The following KCNG4 variants were observed in gnomAD, a reference collection of about 807,000 sequenced individuals.
KCNG4 encodes the protein voltage-gated potassium channel regulatory subunit KCNG4.
A neutral mutation model predicts 28.2 loss-of-function variants in KCNG4; 30 were observed. That is an observed-to-expected ratio of 1.06 (90% CI 0.80 to 1.44). KCNG4 has a LOEUF of 1.44. Among genes scored for constraint, KCNG4 ranks in the 40% most tolerant of loss-of-function variants. KCNG4 has a pLI of 0.00. For synonymous variants in KCNG4, 375 were observed against 315.5 expected, an observed-to-expected ratio of 1.19 and a Z score of -2.00; for missense variants, 879 against 712.3, an observed-to-expected ratio of 1.23 and a Z score of -2.66.
intron 2 of KCNG4, 177 bp downstream of exon 2, chr16:84,236,553 G>A: frequency 3.6e-6 from 3 of 825,132 alleles, no homozygotes; most frequent in East Asian, 2.9e-5. Flanking sequence ...AAAAAAAAAA[G>A]ATGGAAAATT....
chr16:84,219,470 T>A lies in KCNG4; in HGVS notation c.*2747A>T, dbSNP rs920050340. ...AGGCTTGGGCACGGTGGCTCACGCC[T>A]GTAATCCCAGCACTTTGGGAGGCCG... is the stretch of plus-strand genomic sequence containing the variant. On this transcript the variant is annotated 3_prime_UTR_variant, in exon 3 of 3. Transcript: ENST00000308251. The A allele has an allele frequency of 1.1e-4, 17 of 152,304 alleles. No individual in the cohort carries two copies. The highest frequency in any genetic ancestry group is 3.6e-4 in the African/African-American group (15 of 41,470). The allele number at this position is 152,304 out of a possible 1,614,324, so 9.4% of individuals were successfully genotyped here. A position where few individuals can be genotyped will look rare whatever the true frequency, so the allele number is the denominator to read the frequency against.
chr16:84,226,704 C>T lies in KCNG4; in HGVS notation c.757-3684G>A. Among the ~76,000 whole-genome samples the T allele has an allele frequency of 9.4e-6, 1 of 105,958 alleles. No homozygotes were observed. Among genetic ancestry groups the T allele is most frequent in the Admixed American group, 8.8e-5 (1 of 11,308 alleles). The allele number at this position is 105,958 out of a possible 152,430, so 69.5% of individuals were successfully genotyped here. On this transcript the variant is annotated intron_variant, in intron 2 of 2. Transcript: ENST00000308251. This position sits in a 1 kb window ranked among gnomAD's most constrained non-coding sequence, Gnocchi z 4.1. ...GACCAGCCTGACCAATATGGTGAAA[C>T]CTTGTCGCTACTAAAAATACAAAAA...
rs545809999 is a variant in KCNG4, at chr16:84,234,505, C to T, written c.756+2225G>A. 4.7e-4 allele frequency among the ~76,000 whole-genome samples: 71 copies of T among 152,276 alleles called. 1 individual carries two copies. The South Asian group carries it at 0.013, about 28-fold the overall frequency. On this transcript the variant is annotated intron_variant, in intron 2 of 2. Transcript: ENST00000308251. ...CCATTGTAATTTGCAATCTCTGGCA[C>T]AGACCTTTTACCCCACTATCAGGTT...
chr16:84,230,906 G>A (rs576011823), intron 2 of KCNG4, among the ~76,000 whole-genome samples: 1 of 152,334 alleles, frequency 6.6e-6, no homozygotes, highest in East Asian at 1.9e-4. Context: ...TCTCCCACCG[G>A]GTCTCCAGCC....
intron 2 of KCNG4, among the ~76,000 whole-genome samples, chr16:84,229,753 C>T (rs1236053124): frequency 1.3e-5 from 2 of 152,140 alleles, no homozygotes; most frequent in African/African-American, 2.4e-5. Context: ...GAAACAGTGT[C>T]ACCTGCAGAG....
chr16:84,239,326 C>G (rs893845294), intron 1 of KCNG4, among the ~76,000 whole-genome samples: 3 of 152,244 alleles, frequency 2.0e-5, no homozygotes, highest in Admixed American at 2.0e-4. Context: ...ATCTGGGGAG[C>G]CCTTTGCAAG....
At chr16:84,225,134 G>A (rs1465620132) in intron 2 of KCNG4, among the ~76,000 whole-genome samples, 1 of 152,088 alleles carries the variant, frequency 6.6e-6, no homozygotes, top group Non-Finnish European at 1.5e-5. Flanking sequence ...ACAGTCTCCT[G>A]GTCAGTGTAA....
In KCNG4 at chr16:84,222,646, G is replaced by A; in HGVS notation, c.1131C>T (p.Phe377=). 1.2e-6 allele frequency: 2 copies of A among 1,613,344 alleles called. No individual in the cohort carries two copies. Among genetic ancestry groups the A allele is most frequent in the Non-Finnish European group, 1.7e-6 (2 of 1,179,974 alleles). ...AGAAGAGGGTGATGGCCACGGCCAG[G>A]AAGAGAAGGAGCAGGCCGAACTCAC... ...CTREFGLLLL[F]LAVAITLFSP... The change falls in exon 3 of 3, where the codon TTC becomes TTT. Residue 377 remains phenylalanine (F), a synonymous_variant. Coordinates refer to ENST00000308251, the MANE Select transcript of KCNG4 (RefSeq NM_172347.3).
chr16:84,226,220 A>G lies in KCNG4; in HGVS notation c.757-3200T>C, dbSNP rs1904694177. Among the ~76,000 whole-genome samples, 1 of 152,188 alleles carries G rather than the reference A, an allele frequency of 6.6e-6. No individual in the cohort carries two copies. The highest frequency in any genetic ancestry group is 1.5e-5 in the Non-Finnish European group (1 of 68,038). On this transcript the variant is annotated intron_variant, in intron 2 of 2. Transcript: ENST00000308251. The surrounding 1 kb of genome is among the most constrained non-coding windows in gnomAD (Gnocchi z 4.1). ...GGCCCAGGGTGTGAATGGTGAAACA[A>G]CACCGATGAATCCCACAGGCATGAT...
At chr16:84,232,632 A>G (rs1464918804) in intron 2 of KCNG4, among the ~76,000 whole-genome samples, 1 of 151,986 alleles carries the variant, frequency 6.6e-6, no homozygotes, top group African/African-American at 2.4e-5. Flanking sequence ...GGGTGCAGTG[A>G]CTCACGCCTA....
At chr16:84,230,402 CAAAA>C (rs36051103) in intron 2 of KCNG4, among the ~76,000 whole-genome samples, 2 of 30,322 alleles carry the variant, frequency 6.6e-5, no homozygotes, top group African/African-American at 2.3e-4. Flanking sequence ...GACTTCATCT[CAAAA>C]AAAAAAAAAA....
intron 2 of KCNG4, among the ~76,000 whole-genome samples, chr16:84,228,207 C>G (rs1402756593): frequency 6.6e-6 from 1 of 152,220 alleles, no homozygotes; most frequent in Non-Finnish European, 1.5e-5. Flanking sequence ...CTGGGAGGGG[C>G]TCAGGGCCCA....
rs1476938187 is a variant in KCNG4 at position 84,237,438 on chromosome 16, G to A, written c.48C>T (p.His16=). 1.1e-5 allele frequency: 17 copies of A among 1,510,924 alleles called. No individual in the cohort carries two copies. The highest frequency in any genetic ancestry group is 1.5e-5 in the Non-Finnish European group (17 of 1,130,722). 93.6% of individuals were successfully genotyped at this position (1,510,924 alleles called of 1,614,324 possible). The change falls in exon 2 of 3, where the codon CAC becomes CAT. Residue 16 remains histidine, a synonymous_variant. Coordinates refer to ENST00000308251, the MANE Select transcript of KCNG4 (RefSeq NM_172347.3). ...RDGGLHPRHH[H]YGSHSPWSQL... is the part of the protein sequence containing the mutation. ...GACTCCAAGGGCTGTGGGAACCATA[G>A]TGGTGGTGTCTGGGATGCAGGCCCC...
At chr16:84,224,041 T>C (rs113709494) in intron 2 of KCNG4, among the ~76,000 whole-genome samples, 24 of 152,248 alleles carry the variant, frequency 1.6e-4, no homozygotes, top group African/African-American at 5.3e-4. Context: ...GTTCCACCAG[T>C]CCTTCTGCCA....
At chr16:84,237,655 T>A (rs749248784) in intron 1 of KCNG4, 130 bp from the exon 2 acceptor site, 21 of 539,592 alleles carry the variant, frequency 3.9e-5, no homozygotes, top group Middle Eastern at 6.0e-4. Context: ...GGCTTGTTCT[T>A]TTAACCTTTA....
At position 84,230,497 on chromosome 16, in the gene KCNG4, G is replaced by A. The variant is rs546743183; in HGVS notation, c.756+6233C>T. 1.7e-4 allele frequency among the ~76,000 whole-genome samples: 26 copies of A among 149,114 alleles called. 1 individual carries two copies. Among genetic ancestry groups the A allele is most frequent in the African/African-American group, 4.7e-4 (19 of 40,386 alleles). ...TGAGGCAGGAGAATGGCGTGAACCCGGGGGGCAGAGCTTACAGTGAGCCAA... is the reference window on the plus strand; with the variant it reads ...TGAGGCAGGAGAATGGCGTGAACCCAGGGGGCAGAGCTTACAGTGAGCCAA... On this transcript the variant is annotated intron_variant, in intron 2 of 2. Transcript: ENST00000308251.
Position 84,237,055 on chromosome 16 carries a change from T to A in KCNG4, c.431A>T (p.Gln144Leu). 6.2e-7 allele frequency: 1 copy of A among 1,614,086 alleles called. No individual in the cohort carries two copies. The highest frequency in any genetic ancestry group is 8.5e-7 in the Non-Finnish European group (1 of 1,180,012). Reference protein sequence around the residue: ...LLQEMCALSFQEELAYWGIEE... With the variant: ...LLQEMCALSFLEELAYWGIEE... ...GATGCCCCAGTAGGCCAGCTCCTCC[T>A]GGAAGGACAGCGCGCACATCTCCTG... Residue 144 changes from glutamine (Q) to leucine (L), a missense_variant, in exon 2 of 3, where the codon CAG becomes CTG. Coordinates refer to ENST00000308251, the MANE Select transcript of KCNG4 (RefSeq NM_172347.3).
intron 1 of KCNG4, among the ~76,000 whole-genome samples, chr16:84,238,250 T>C (rs1905024688): frequency 6.6e-6 from 1 of 152,186 alleles, no homozygotes; most frequent in African/African-American, 2.4e-5. Context: ...CACGGAAGGT[T>C]TGCGTGTCTT....
At chr16:84,224,439 C>CAT (rs1567624061) in intron 2 of KCNG4, among the ~76,000 whole-genome samples, 1 of 152,026 alleles carries the variant, frequency 6.6e-6, no homozygotes, top group African/African-American at 2.4e-5. Context: ...CACACACACA[C>CAT]AGATATGTAT....
Sources: gnomAD v4.1 joint callset for allele counts (sites outside exome capture counted in the v4.1 genomes callset) on GRCh38, gnomAD v4.1.1 for gene constraint, Gnocchi (gnomAD v3.1) non-coding constraint, MANE v1.5 for transcripts, NCBI Gene and HGNC (gene_info 2026-07-23, HGNC 2026-07-21) for gene names.